TMEM165: variants seen among roughly 807,000 people sequenced by gnomAD.
TMEM165 encodes transmembrane protein 165.
TMEM165 carries 19 observed loss-of-function variants against 30.0 expected under a neutral mutation model. The observed-to-expected ratio is 0.63, with a 90% CI of 0.44 to 0.93. The LOEUF (loss-of-function observed/expected upper bound fraction) is 0.93. TMEM165 is among the 40% of genes least tolerant of loss of function. The pLI is 0.00. For synonymous variants in TMEM165, 168 were observed against 162.9 expected, an observed-to-expected ratio of 1.03 and a Z score of -0.24; for missense variants, 340 against 417.0, an observed-to-expected ratio of 0.82 and a Z score of 1.61.
intron 1 of TMEM165, among the ~76,000 whole-genome samples, chr4:55,400,304 A>ATATAATATATATTATATATAATATTATG (rs1720928287): frequency 9.6e-6 from 1 of 104,296 alleles, no homozygotes; most frequent in East Asian, 2.3e-4. Flanking sequence ...ATAATATTAT[A>ATATAATATATATTATATATAATATTATG]TATAATATTA....
chr4:55,428,262 A>G (rs1722318305), downstream of TMEM165: 1 of 152,204 alleles, frequency 6.6e-6, no homozygotes, highest in African/African-American at 2.4e-5. Flanking sequence ...GTAGGCTAAC[A>G]ACACATTTTG....
chr4:55,439,057 A>T (rs184916631), intron 3 of TMEM165, among the ~76,000 whole-genome samples: 1 of 152,326 alleles, frequency 6.6e-6, no homozygotes, highest in Admixed American at 6.5e-5. Context: ...CACTATCAAC[A>T]GAGTAAAAAG....
rs1022338830 is a variant in TMEM165, at chr4:55,425,621, C to A, written c.*169C>A. ...ATATAATCATTGATTCTATTTGTAA[C>A]AAGGAGTTTTAAAAGAAACCTGACT... On this transcript the variant is annotated 3_prime_UTR_variant, in exon 6 of 6. Coordinates refer to ENST00000381334, the MANE Select transcript of TMEM165 (RefSeq NM_018475.5). 2.5e-5 allele frequency: 14 copies of A among 556,846 alleles called. No individual in the cohort carries two copies. Among genetic ancestry groups the A allele is most frequent in the Non-Finnish European group, 4.3e-5 (14 of 324,080 alleles). 34.5% of individuals were successfully genotyped at this position (556,846 alleles called of 1,614,324 possible).
intron 3 of TMEM165, chr4:55,444,557 A>G: frequency 6.4e-7 from 1 of 1,572,310 alleles, no homozygotes; most frequent in Non-Finnish European, 8.7e-7. Flanking sequence ...CTCACTTTTA[A>G]TTAAGAAAAG....
intron 1 of TMEM165, among the ~76,000 whole-genome samples, chr4:55,406,294 C>T (rs1037131772): frequency 1.3e-5 from 2 of 152,192 alleles, no homozygotes; most frequent in Non-Finnish European, 2.9e-5. Flanking sequence ...TAGCATGTGT[C>T]TATAATGGTG....
intron 3 of TMEM165, among the ~76,000 whole-genome samples, chr4:55,441,444 A>G (rs1723360831): frequency 6.6e-6 from 1 of 152,222 alleles, no homozygotes; most frequent in Non-Finnish European, 1.5e-5. Flanking sequence ...TGGCTATCGC[A>G]GTACAGTTCA....
chr4:55,436,903 T>A (rs1722921414), intron 3 of TMEM165, among the ~76,000 whole-genome samples: 1 of 151,012 alleles, frequency 6.6e-6, no homozygotes, highest in South Asian at 2.1e-4. Context: ...TTTTTTTTTT[T>A]TTTTTTTTTG....
intron 4 of TMEM165, among the ~76,000 whole-genome samples, chr4:55,422,315 T>C (rs1394222599): frequency 1.3e-5 from 2 of 152,176 alleles, no homozygotes; most frequent in African/African-American, 4.8e-5. Context: ...TGGAGTACAG[T>C]GGCACAATCT....
intron 3 of TMEM165, among the ~76,000 whole-genome samples, chr4:55,437,087 A>C (rs1722941951): frequency 2.0e-5 from 3 of 152,158 alleles, no homozygotes; most frequent in Admixed American, 2.0e-4. Flanking sequence ...TTGTAATAGT[A>C]GCTACCCCAG....
intron 4 of TMEM165, among the ~76,000 whole-genome samples, chr4:55,420,131 T>TATATAGATATA (rs1721911288): frequency 1.9e-5 from 1 of 52,656 alleles, no homozygotes; most frequent in Non-Finnish European, 3.4e-5. Flanking sequence ...ACATATATAT[T>TATATAGATATA]TATTTATTTA....
intron 3 of TMEM165, 34 bp from the exon 4 acceptor site, chr4:55,417,769 G>T (rs751152729): frequency 6.6e-7 from 1 of 1,515,594 alleles, no homozygotes; most frequent in South Asian, 1.3e-5. Flanking sequence ...TTTGCTTCCT[G>T]TGCTTACTTT....
intron 3 of TMEM165, among the ~76,000 whole-genome samples, chr4:55,440,261 T>A (rs966146987): frequency 3.9e-5 from 6 of 152,216 alleles, no homozygotes; most frequent in African/African-American, 1.4e-4. Flanking sequence ...CTCCTCTCAA[T>A]TTATAAATTC....
intron 4 of TMEM165, among the ~76,000 whole-genome samples, chr4:55,419,462 C>T (rs1323413277): frequency 6.6e-6 from 1 of 152,190 alleles, no homozygotes; most frequent in East Asian, 1.9e-4. Context: ...AGGGAGTAAG[C>T]TGGCTGGCTG....
At chr4:55,403,755 T>A (rs1015517362) in intron 1 of TMEM165, among the ~76,000 whole-genome samples, 1 of 152,120 alleles carries the variant, frequency 6.6e-6, no homozygotes, top group Admixed American at 6.5e-5. Flanking sequence ...GCACACTGCA[T>A]CTAATCCTGT....
intron 2 of TMEM165, among the ~76,000 whole-genome samples, chr4:55,415,111 A>C (rs1721669058): frequency 6.6e-6 from 1 of 152,230 alleles, no homozygotes; most frequent in East Asian, 1.9e-4. Context: ...TTGCATAATT[A>C]GATCTTTCAT....
At chr4:55,422,126 C>T (rs1284680922) in intron 4 of TMEM165, among the ~76,000 whole-genome samples, 1 of 152,202 alleles carries the variant, frequency 6.6e-6, no homozygotes, top group Admixed American at 6.5e-5. Flanking sequence ...TTGGTCCTTA[C>T]AGGAGGTGAT....
intron 1 of TMEM165, among the ~76,000 whole-genome samples, chr4:55,402,940 C>T (rs550918238): frequency 8.6e-5 from 13 of 150,678 alleles, no homozygotes; most frequent in South Asian, 2.1e-4. Flanking sequence ...TACAGGTGCC[C>T]GCCACACGCC....
At chr4:55,436,063 A>C (rs1429718064) in intron 3 of TMEM165, among the ~76,000 whole-genome samples, 1 of 152,184 alleles carries the variant, frequency 6.6e-6, no homozygotes, top group Non-Finnish European at 1.5e-5. Context: ...TGAATGGTTC[A>C]AACTTGGGCT....
Position 55,439,131 on chromosome 4 carries a change from G to A in TMEM165, c.409-13108G>A, listed in dbSNP as rs138483430. Among the ~76,000 whole-genome samples, 980 of 152,240 alleles carry A rather than the reference G, an allele frequency of 6.4e-3. 17 individuals are homozygous for A. Among genetic ancestry groups the A allele is most frequent in the African/African-American group, 0.022 (911 of 41,534 alleles). On this transcript the variant is annotated intron_variant, in intron 3 of 3. Coordinates refer to the TMEM165 transcript ENST00000608091. ...ATATCATCCTTCTGATAAGGGATTAGTAACCAGAATGTCTAAGAGCTCCTT... is the reference window on the plus strand; with the variant it reads ...ATATCATCCTTCTGATAAGGGATTAATAACCAGAATGTCTAAGAGCTCCTT...
Sources: gnomAD v4.1 joint callset for allele counts (sites outside exome capture counted in the v4.1 genomes callset) on GRCh38, gnomAD v4.1.1 for gene constraint, MANE v1.5 for transcripts, NCBI Gene and HGNC (gene_info 2026-07-23, HGNC 2026-07-21) for gene names.